Variants in INTS7 observed in about 807,000 individuals in gnomAD.
INTS7 encodes chromosome 1 open reading frame 73.
A neutral mutation model predicts 109.2 loss-of-function variants in INTS7; 46 were observed. The observed-to-expected ratio is 0.42, with a 90% CI of 0.33 to 0.54. The LOEUF (loss-of-function observed/expected upper bound fraction) is 0.54, where lower values mean the gene tolerates loss of function less well. Among genes scored for constraint, INTS7 ranks in the 20% least tolerant of loss-of-function variants. The probability of loss-of-function intolerance (pLI) is 0.07; values close to 1 mark genes in which losing one functional copy is unlikely to be tolerated. For missense variants in INTS7, 929 were observed against 1,132.4 expected (o/e 0.82, Z 2.58); for synonymous variants, 412 against 402.9 (o/e 1.02, Z -0.27).
In INTS7 at chr1:211,966,482, A is replaced by G. The variant is rs1439754246; in HGVS notation, c.2131T>C (p.Leu711=). ...GCTTCTATTGCATGAGATATCAGTA[A>G]ACAGCTCTGCTGCTGTCTGGATTGA... ...RNVELQQQSC[L]LISHAIEALI... Residue 711 remains leucine, a synonymous_variant, in exon 16 of 20, where the codon TTA becomes CTA. Transcript: ENST00000366994. The G allele has an allele frequency of 1.2e-6, 2 of 1,608,866 alleles. No individual in the cohort carries two copies. The highest frequency in any genetic ancestry group is 1.7e-6 in the Non-Finnish European group (2 of 1,175,900).
chr1:211,995,287 A>T (rs2102450086), intron 7 of INTS7, among the ~76,000 whole-genome samples: 1 of 152,366 alleles, frequency 6.6e-6, no homozygotes, highest in Middle Eastern at 3.4e-3. Context: ...AGAAATAAGC[A>T]AAAAAACTTG....
chr1:211,964,801 C>T (rs1395078860), intron 16 of INTS7, among the ~76,000 whole-genome samples: 2 of 152,142 alleles, frequency 1.3e-5, no homozygotes, highest in Middle Eastern at 3.2e-3. Context: ...CTTCCTTACA[C>T]CACAGACAAA....
At position 211,978,376 on chromosome 1, in the gene INTS7, T is replaced by C. The variant is rs753179046; in HGVS notation, c.1366A>G (p.Ile456Val). The change falls in exon 11 of 20, where the codon ATT becomes GTT. Residue 456 changes from isoleucine to valine, a missense_variant. This residue lies in a region of INTS7 where 787 missense variants were observed against 901.1 expected (regional missense o/e 0.87). Coordinates refer to ENST00000366994, the MANE Select transcript of INTS7 (RefSeq NM_015434.4). The part of the protein sequence containing the change: ...RILMCHCLAA[I>V]AMQLPVLGDG... ...CCCAGCACCGGCAGTTGCATGGCAA[T>C]GGCTGCCAGGCAATGGCACATCAAA... The C allele has an allele frequency of 4.3e-6, 7 of 1,614,048 alleles. No individual in the cohort carries two copies. The highest frequency in any genetic ancestry group is 3.3e-5 in the Admixed American group (2 of 59,994).
At chr1:212,007,098 TA>T in intron 6 of INTS7, 151 bp downstream of exon 6, 1 of 648,612 alleles carries the variant, frequency 1.5e-6, no homozygotes, top group Non-Finnish European at 2.6e-6. Context: ...ACAGAGAGAA[TA>T]AAAAAGCAAG....
rs1662611318 is a variant in INTS7, at chr1:211,941,244, C to T, written c.*580G>A. ...AGAGTAGCGGTCAAATTTACCAATT[C>T]AGTGATCTCAACATGTGACTATTCT... On this transcript the variant is annotated 3_prime_UTR_variant, in exon 20 of 20. Transcript: ENST00000366994. 6.6e-6 allele frequency: 1 copy of T among 152,354 alleles called. No individual in the cohort carries two copies. Among genetic ancestry groups the T allele is most frequent in the Non-Finnish European group, 1.5e-5 (1 of 68,228 alleles). 9.4% of individuals were successfully genotyped at this position (152,354 alleles called of 1,614,324 possible).
intron 7 of INTS7, among the ~76,000 whole-genome samples, chr1:211,997,494 G>A (rs1226838451): frequency 1.5e-5 from 2 of 131,902 alleles, no homozygotes; most frequent in Non-Finnish European, 3.1e-5. Flanking sequence ...TTGCACTCCA[G>A]CCTGGGCAAC....
At chr1:212,031,210 A>G (rs1667146893) in intron 1 of INTS7, among the ~76,000 whole-genome samples, 1 of 152,248 alleles carries the variant, frequency 6.6e-6, no homozygotes, top group Admixed American at 6.5e-5. Flanking sequence ...GCTGAATAAT[A>G]TCATTTAAGA....
intron 3 of INTS7, among the ~76,000 whole-genome samples, chr1:212,019,021 G>T (rs1045865122): frequency 6.6e-6 from 1 of 152,150 alleles, no homozygotes; most frequent in African/African-American, 2.4e-5. Flanking sequence ...AGGCCGAAGC[G>T]GGCAGATCAC....
chr1:211,999,945 A>C (rs1223893904), intron 7 of INTS7, among the ~76,000 whole-genome samples: 2 of 152,014 alleles, frequency 1.3e-5, no homozygotes, highest in African/African-American at 4.8e-5. Flanking sequence ...TCTCTACTAA[A>C]AATACAAAAA....
At chr1:211,967,178 C>T (rs1028915852) in intron 15 of INTS7, among the ~76,000 whole-genome samples, 1 of 152,038 alleles carries the variant, frequency 6.6e-6, no homozygotes, top group African/African-American at 2.4e-5. Context: ...AAAGTGACGA[C>T]CAGGCTGGGC....
At chr1:212,012,558 C>T (rs950225618) in intron 4 of INTS7, among the ~76,000 whole-genome samples, 1 of 152,160 alleles carries the variant, frequency 6.6e-6, no homozygotes, top group Non-Finnish European at 1.5e-5. Flanking sequence ...AAGTTCGAGG[C>T]TGCAGTGAGC....
chr1:212,031,655 TA>T (rs1346159586), intron 1 of INTS7, among the ~76,000 whole-genome samples: 1 of 152,220 alleles, frequency 6.6e-6, no homozygotes, highest in Non-Finnish European at 1.5e-5. Context: ...ACATAGCCCC[TA>T]GTCTGAGTAT....
rs752446289 is a variant in INTS7 at position 211,952,562 on chromosome 1, C to T, written c.2316+7G>A. On this transcript the variant is annotated splice_region_variant and intron_variant, in intron 17 of 19. Coordinates refer to ENST00000366994, the MANE Select transcript of INTS7 (RefSeq NM_015434.4). ...AATAAAAGCTCAATAAAACAAATGC[C>T]ACTTGCCATATAAGAAACAGGGGTA... The T allele has an allele frequency of 2.5e-6, 4 of 1,610,764 alleles. No homozygotes were observed. The African/African-American group carries it at 4.0e-5, about 16-fold the overall frequency.
intron 13 of INTS7, among the ~76,000 whole-genome samples, chr1:211,969,592 A>G (rs1484088925): frequency 1.8e-5 from 2 of 110,288 alleles, no homozygotes; most frequent in African/African-American, 3.6e-5. Context: ...GTATCATTCT[A>G]TCACCCAGGC....
intron 1 of INTS7, among the ~76,000 whole-genome samples, chr1:212,033,496 T>C (rs1933593): frequency 0.61 from 91,982 of 151,976 alleles, 28,347 homozygotes; most frequent in Non-Finnish European, 0.66. Flanking sequence ...TTCTTTCCTA[T>C]AGATATAAAA....
intron 16 of INTS7, among the ~76,000 whole-genome samples, chr1:211,961,158 T>C (rs1201134309): frequency 6.6e-6 from 1 of 150,704 alleles, no homozygotes; most frequent in East Asian, 2.0e-4. Flanking sequence ...TTGGAAGACA[T>C]ATTTCAGGGT....
intron 7 of INTS7, among the ~76,000 whole-genome samples, chr1:212,005,088 TG>T (rs1319670590): frequency 6.6e-6 from 1 of 152,166 alleles, no homozygotes; most frequent in African/African-American, 2.4e-5. Context: ...AACAGAAGAA[TG>T]TTCTGCACTG....
At chr1:211,960,634 AAAAC>A (rs1206820528) in intron 16 of INTS7, among the ~76,000 whole-genome samples, 3 of 152,248 alleles carry the variant, frequency 2.0e-5, no homozygotes, top group African/African-American at 4.8e-5. Flanking sequence ...ATAGAGTAGA[AAAAC>A]AAACTGCAAT....
intron 13 of INTS7, among the ~76,000 whole-genome samples, chr1:211,974,809 G>A (rs1308376717): frequency 6.6e-6 from 1 of 152,126 alleles, no homozygotes; most frequent in Non-Finnish European, 1.5e-5. Context: ...TAGTTACTTA[G>A]TCAGTAGCTG....
Sources: gnomAD v4.1 joint callset for allele counts (sites outside exome capture counted in the v4.1 genomes callset) on GRCh38, gnomAD v4.1.1 for gene constraint, gnomAD v4.1.1 regional missense constraint, MANE v1.5 for transcripts, NCBI Gene and HGNC (gene_info 2026-07-23, HGNC 2026-07-21) for gene names.